Variants in ANK2 observed in about 807,000 individuals in gnomAD.
ANK2 encodes ankyrin-2.
ANK2 carries 83 observed loss-of-function variants against 360.5 expected under a neutral mutation model. That is an observed-to-expected ratio of 0.23 (90% CI 0.19 to 0.28). ANK2 has a LOEUF of 0.28. Among genes scored for constraint, ANK2 ranks in the 10% least tolerant of loss-of-function variants. The pLI is 1.00. For synonymous variants in ANK2, 1,740 were observed against 1,759.5 expected (o/e 0.99, Z 0.28); for missense variants, 4,201 against 4,795.7 (o/e 0.88, Z 3.66).
chr4:113,188,493 G>A (rs2153340651), intron 2 of ANK2, among the ~76,000 whole-genome samples: 1 of 152,214 alleles, frequency 6.6e-6, no homozygotes, highest in Non-Finnish European at 1.5e-5. Context: ...AAATACATCT[G>A]TGTGCCTCAG....
At chr4:113,322,567 A>C (rs1246528302) in intron 26 of ANK2, among the ~76,000 whole-genome samples, 1 of 152,206 alleles carries the variant, frequency 6.6e-6, no homozygotes, top group Non-Finnish European at 1.5e-5. Context: ...ATTGTTATTA[A>C]AGGTCTTTAG....
the ANK2 span, among the ~76,000 whole-genome samples, chr4:112,720,936 G>GT: frequency 1.4e-3 from 207 of 152,008 alleles, 3 homozygotes; most frequent in East Asian, 0.025. Context: ...CCTAGCTGTT[G>GT]TTTTTTTTGA....
At chr4:112,821,031 C>T (rs538882657) in intron 1 of ANK2, among the ~76,000 whole-genome samples, 2 of 152,330 alleles carry the variant, frequency 1.3e-5, no homozygotes, top group South Asian at 4.1e-4. Flanking sequence ...CCTGCCTCAG[C>T]CTCCCGAGTA....
intron 34 of ANK2, among the ~76,000 whole-genome samples, chr4:113,343,899 T>C (rs897741706): frequency 2.6e-5 from 4 of 152,194 alleles, no homozygotes; most frequent in African/African-American, 9.6e-5. Context: ...CTGGCTTCTG[T>C]CGTTTTTTTT....
the ANK2 span, among the ~76,000 whole-genome samples, chr4:112,710,790 A>C: frequency 6.6e-6 from 1 of 151,632 alleles, no homozygotes; most frequent in African/African-American, 2.4e-5. Flanking sequence ...GGAGTGACTA[A>C]AGCTTTCAGT....
At chr4:112,943,920 T>G (rs72892475) in intron 2 of ANK2, among the ~76,000 whole-genome samples, 4,179 of 152,194 alleles carry the variant, frequency 0.027, 185 homozygotes, top group African/African-American at 0.094. Context: ...GTAACAAGCT[T>G]TATGGATGCA....
intron 4 of ANK2, among the ~76,000 whole-genome samples, chr4:113,218,657 A>G (rs1393791004): frequency 6.6e-6 from 1 of 152,192 alleles, no homozygotes. Context: ...ACCATATCAT[A>G]TAGTGTTTTG....
At chr4:113,094,763 A>G (rs770271979) in intron 1 of ANK2, among the ~76,000 whole-genome samples, 9 of 152,324 alleles carry the variant, frequency 5.9e-5, no homozygotes, top group Non-Finnish European at 1.3e-4. Flanking sequence ...AGTTATTGGA[A>G]TGTCAGAACC....
At chr4:112,930,787 C>T (rs1460186027) in intron 2 of ANK2, among the ~76,000 whole-genome samples, 1 of 150,888 alleles carries the variant, frequency 6.6e-6, no homozygotes, top group Non-Finnish European at 1.5e-5. Flanking sequence ...ACTCAGGAGG[C>T]TGAGGCAGGA....
chr4:112,924,138 G>A (rs1218677508), intron 2 of ANK2, among the ~76,000 whole-genome samples: 3 of 152,134 alleles, frequency 2.0e-5, no homozygotes, highest in African/African-American at 7.2e-5. Context: ...GGGAGGCCGA[G>A]GCGTGGGGAT....
chr4:112,836,929 A>G (rs2061110512), intron 1 of ANK2, among the ~76,000 whole-genome samples: 1 of 152,234 alleles, frequency 6.6e-6, no homozygotes, highest in Non-Finnish European at 1.5e-5. Flanking sequence ...GTAGAAAAGA[A>G]AAACCCATTT....
chr4:112,987,018 A>G (rs188097184), intron 2 of ANK2, among the ~76,000 whole-genome samples: 63 of 152,344 alleles, frequency 4.1e-4, no homozygotes, highest in African/African-American at 1.4e-3. Context: ...TACACTAACA[A>G]TAGCTGATGA....
At chr4:113,311,862 A>G (rs2080156201) in intron 24 of ANK2, among the ~76,000 whole-genome samples, 1 of 152,228 alleles carries the variant, frequency 6.6e-6, no homozygotes, top group Non-Finnish European at 1.5e-5. Flanking sequence ...TACATTCAGA[A>G]CAAAACTGCC....
intron 1 of ANK2, among the ~76,000 whole-genome samples, chr4:113,101,605 C>T (rs188112310): frequency 2.0e-5 from 3 of 152,136 alleles, no homozygotes; most frequent in Middle Eastern, 3.4e-3. Context: ...TCATATAACA[C>T]GTCAGTTAAT....
intron 1 of ANK2, among the ~76,000 whole-genome samples, chr4:112,867,673 T>G (rs2071200569): frequency 1.2e-5 from 1 of 86,874 alleles, no homozygotes. Context: ...TTTAAGTCTG[T>G]TTTTTTTTTT....
chr4:113,224,881 T>G (rs978447199), intron 4 of ANK2, among the ~76,000 whole-genome samples: 1 of 151,568 alleles, frequency 6.6e-6, no homozygotes, highest in East Asian at 1.9e-4. Flanking sequence ...TTGAAGTTTT[T>G]TTTTTTTTTT....
chr4:112,843,730 A>G (rs1221128991), intron 1 of ANK2, among the ~76,000 whole-genome samples: 1 of 152,056 alleles, frequency 6.6e-6, no homozygotes, highest in Non-Finnish European at 1.5e-5. Flanking sequence ...AGGAATACCA[A>G]TGTATTATGT....
At position 113,382,106 on chromosome 4, in the gene ANK2, G is replaced by A. The variant is rs550353802; in HGVS notation, c.*635G>A. On this transcript the variant is annotated 3_prime_UTR_variant, in exon 46 of 46. Transcript: ENST00000357077. ...ACTACACTGGGCATCAGAATAAAAG[G>A]CCTCTAGAAATTGCTGAACAATGGT... 5.9e-6 allele frequency: 1 copy of A among 168,560 alleles called. No individual in the cohort carries two copies. Among genetic ancestry groups the A allele is most frequent in the African/African-American group, 2.4e-5 (1 of 41,952 alleles). The allele number at this position is 168,560 out of a possible 1,614,324, so 10.4% of individuals were successfully genotyped here. A position where few individuals can be genotyped will look rare whatever the true frequency, so the allele number is the denominator to read the frequency against.
At chr4:113,222,141 G>T (rs768788781) in intron 4 of ANK2, among the ~76,000 whole-genome samples, 14 of 152,150 alleles carry the variant, frequency 9.2e-5, no homozygotes, top group Admixed American at 2.0e-4. Context: ...ATTAAATAAC[G>T]AATGTAAAGT....
Sources: gnomAD v4.1 joint callset for allele counts (sites outside exome capture counted in the v4.1 genomes callset) on GRCh38, gnomAD v4.1.1 for gene constraint, MANE v1.5 for transcripts, NCBI Gene and HGNC (gene_info 2026-07-23, HGNC 2026-07-21) for gene names.